Variants in TMEM74 observed in about 807,000 individuals in gnomAD.
TMEM74 encodes the protein transmembrane protein 74.
In TMEM74, 13 loss-of-function variants were observed where a neutral mutation model predicts 18.1. The ratio of observed to expected loss-of-function variants is 0.72; its 90% confidence interval spans 0.47 to 1.14. The LOEUF is 1.14. Ranked by LOEUF, TMEM74 falls within the 50% of genes most tolerant of loss-of-function variation. TMEM74 has a pLI of 0.00. For synonymous variants in TMEM74, 159 were observed against 146.6 expected, an observed-to-expected ratio of 1.08 and a Z score of -0.61; for missense variants, 372 against 375.9, an observed-to-expected ratio of 0.99 and a Z score of 0.09.
chr8:108,738,081 C>T (rs570001739), intron 1 of TMEM74, among the ~76,000 whole-genome samples: 1 of 152,250 alleles, frequency 6.6e-6, no homozygotes, highest in East Asian at 1.9e-4. Flanking sequence ...TGCTTATCTT[C>T]TTTTCATTAC....
intron 1 of TMEM74, among the ~76,000 whole-genome samples, chr8:108,752,305 G>C (rs1019809265): frequency 6.6e-6 from 1 of 152,070 alleles, no homozygotes; most frequent in Non-Finnish European, 1.5e-5. Flanking sequence ...TACAAGGGAT[G>C]ACAACAGTTC....
At position 108,658,548 on chromosome 8, in the gene TMEM74, G is replaced by C. The variant is rs185236921; in HGVS notation, n.120-3111C>G. ...GGTAAAAACAGATGTCTTCCACAAAGAGGAAAGCCAAAATATCAAATGCAG... is the reference window on the plus strand; with the variant it reads ...GGTAAAAACAGATGTCTTCCACAAACAGGAAAGCCAAAATATCAAATGCAG... On this transcript the variant is annotated intron_variant and non_coding_transcript_variant, in intron 1 of 3. Transcript: ENST00000518838. 6.0e-4 allele frequency among the ~76,000 whole-genome samples: 91 copies of C among 152,234 alleles called. 1 individual carries two copies. The highest frequency in any genetic ancestry group is 3.4e-3 in the Middle Eastern group (1 of 294).
chr8:108,621,081 ATTTGTT>A (rs543219104), intron 2 of TMEM74, among the ~76,000 whole-genome samples: 40 of 152,270 alleles, frequency 2.6e-4, no homozygotes, highest in African/African-American at 9.4e-4. Flanking sequence ...GCCCAGCTGA[ATTTGTT>A]TTGATTTGAG....
intron 1 of TMEM74, among the ~76,000 whole-genome samples, chr8:108,712,875 T>A (rs552297912): frequency 1.3e-5 from 2 of 152,286 alleles, no homozygotes; most frequent in African/African-American, 4.8e-5. Context: ...GGGTGAAGCT[T>A]GTGGGACATT....
intron 1 of TMEM74, among the ~76,000 whole-genome samples, chr8:108,751,160 G>T (rs910202019): frequency 6.6e-6 from 1 of 152,080 alleles, no homozygotes; most frequent in African/African-American, 2.4e-5. Flanking sequence ...TATGGTATAT[G>T]AACTCTAACA....
intron 1 of TMEM74, among the ~76,000 whole-genome samples, chr8:108,737,727 G>A (rs1005728104): frequency 6.6e-6 from 1 of 152,064 alleles, no homozygotes; most frequent in African/African-American, 2.4e-5. Context: ...AATAAGACAT[G>A]ATATAATAAA....
intron 1 of TMEM74, among the ~76,000 whole-genome samples, chr8:108,736,474 C>G (rs1179389623): frequency 1.3e-5 from 2 of 152,076 alleles, no homozygotes; most frequent in Non-Finnish European, 2.9e-5. Context: ...ACATGCCACT[C>G]TTAGAACAGT....
At chr8:108,777,942 C>T (rs1236329585), downstream of TMEM74, among the ~76,000 whole-genome samples, 4 of 152,166 alleles carry the variant, frequency 2.6e-5, no homozygotes, top group South Asian at 4.1e-4. Context: ...TTAAATAATA[C>T]AATAAAATCA....
chr8:108,681,326 T>C (rs541913108), intron 1 of TMEM74, among the ~76,000 whole-genome samples: 113 of 151,908 alleles, frequency 7.4e-4, no homozygotes, highest in Middle Eastern at 6.8e-3. Context: ...GAGATATAGA[T>C]CAATGGAACA....
intron 1 of TMEM74, among the ~76,000 whole-genome samples, chr8:108,663,450 G>A (rs867849295): frequency 6.6e-6 from 1 of 152,080 alleles, no homozygotes; most frequent in African/African-American, 2.4e-5. Flanking sequence ...TTACTAAAAA[G>A]TCAAGAAACA....
intron 1 of TMEM74, among the ~76,000 whole-genome samples, chr8:108,711,770 G>A (rs975505341): frequency 2.6e-5 from 4 of 152,096 alleles, no homozygotes; most frequent in African/African-American, 9.7e-5. Flanking sequence ...CCATTCTTGA[G>A]GCTGTCAGGA....
intron 2 of TMEM74, among the ~76,000 whole-genome samples, chr8:108,630,692 T>C (rs769685876): frequency 7.2e-5 from 11 of 152,054 alleles, no homozygotes; most frequent in Non-Finnish European, 1.5e-4. Flanking sequence ...GAGGACTACA[T>C]GGAAATAGTG....
intron 2 of TMEM74, among the ~76,000 whole-genome samples, chr8:108,651,532 G>C (rs1460199056): frequency 6.6e-6 from 1 of 152,102 alleles, no homozygotes; most frequent in Non-Finnish European, 1.5e-5. Flanking sequence ...AAGATAGGAG[G>C]CTGGAAGACA....
chr8:108,647,217 A>C (rs1261366954), intron 2 of TMEM74, among the ~76,000 whole-genome samples: 1 of 152,120 alleles, frequency 6.6e-6, no homozygotes, highest in African/African-American at 2.4e-5. Flanking sequence ...GAAACATCCC[A>C]AAATACCTCA....
At chr8:108,721,493 T>C (rs1813586988) in intron 1 of TMEM74, among the ~76,000 whole-genome samples, 1 of 152,270 alleles carries the variant, frequency 6.6e-6, no homozygotes, top group African/African-American at 2.4e-5. Context: ...TGTGGAATGC[T>C]CTGCTTCAGG....
rs567069463 is a variant in TMEM74, at chr8:108,641,992, T to TA, written n.264+13300dup. 1.0e-3 allele frequency among the ~76,000 whole-genome samples: 158 copies of TA among 152,282 alleles called. 3 individuals carry two copies. The highest frequency in any genetic ancestry group is 4.0e-4 in the Non-Finnish European group (27 of 68,012). ...CACGCCTGGCACAGTGAAGGATCAGTAAGTGTTAGTAAATGTAATGATTAG... is the reference window on the plus strand; with the variant it reads ...CACGCCTGGCACAGTGAAGGATCAGTAAAGTGTTAGTAAATGTAATGATTAG... On this transcript the variant is annotated intron_variant and non_coding_transcript_variant, in intron 2 of 3. Transcript: ENST00000518838.
intron 1 of TMEM74, among the ~76,000 whole-genome samples, chr8:108,756,270 T>C (rs1158300635): frequency 6.6e-6 from 1 of 151,998 alleles, no homozygotes; most frequent in Non-Finnish European, 1.5e-5. Context: ...TAATATGTGA[T>C]ACAAAGTATC....
At chr8:108,645,193 C>G (rs576685565) in intron 2 of TMEM74, among the ~76,000 whole-genome samples, 2 of 152,038 alleles carry the variant, frequency 1.3e-5, no homozygotes, top group South Asian at 4.1e-4. Context: ...GAAATCATGA[C>G]CTTTGCAGCA....
chr8:108,724,042 T>G (rs1203310806), intron 1 of TMEM74, among the ~76,000 whole-genome samples: 1 of 152,180 alleles, frequency 6.6e-6, no homozygotes, highest in Admixed American at 6.5e-5. Flanking sequence ...AACTTTGCTG[T>G]TTCCTTCACA....
Sources: gnomAD v4.1 joint callset for allele counts (sites outside exome capture counted in the v4.1 genomes callset) on GRCh38, gnomAD v4.1.1 for gene constraint, MANE v1.5 for transcripts, NCBI Gene and HGNC (gene_info 2026-07-23, HGNC 2026-07-21) for gene names.